Variants in AGAP1 observed in about 807,000 individuals in gnomAD.
The protein encoded by AGAP1 is arf-GAP with GTPase, ANK repeat and PH domain-containing protein 1.
A neutral mutation model predicts 105.3 loss-of-function variants in AGAP1; 29 were observed. The observed-to-expected ratio is 0.28, with a 90% CI of 0.21 to 0.38. The LOEUF (loss-of-function observed/expected upper bound fraction) is 0.38. Ranked by LOEUF, AGAP1 falls within the 10% of genes least tolerant of loss-of-function variation. The pLI, the probability that AGAP1 is intolerant of heterozygous loss-of-function variation, is 1.00. For synonymous variants in AGAP1, 509 were observed against 485.9 expected (o/e 1.05, Z -0.63); for missense variants, 998 against 1,165.1 (o/e 0.86, Z 2.09).
At chr2:235,546,932 G>T (rs1460146119) in intron 1 of AGAP1, among the ~76,000 whole-genome samples, 1 of 152,160 alleles carries the variant, frequency 6.6e-6, no homozygotes, top group Admixed American at 6.5e-5. Context: ...CTGAGCAGGC[G>T]GCTCACTGGC....
intron 1 of AGAP1, among the ~76,000 whole-genome samples, chr2:235,616,694 G>T (rs1199646713): frequency 2.0e-5 from 3 of 152,192 alleles, no homozygotes; most frequent in Admixed American, 2.0e-4. Context: ...CTGCCCAGTT[G>T]TGTTCAACTT....
chr2:236,088,783 T>C (rs377470411), intron 16 of AGAP1, among the ~76,000 whole-genome samples: 4 of 152,210 alleles, frequency 2.6e-5, no homozygotes, highest in African/African-American at 9.6e-5. Context: ...CCTGTCCCCA[T>C]TGTCACGAAT....
Position 235,927,181 on chromosome 2 carries a change from G to A in AGAP1, c.1325-3584G>A, listed in dbSNP as rs190122558. Among the ~76,000 whole-genome samples the A allele has an allele frequency of 2.9e-4, 44 of 152,242 alleles. No individual in the cohort carries two copies. The highest frequency in any genetic ancestry group is 5.0e-4 in the Non-Finnish European group (34 of 68,018). Reference sequence around the variant, plus strand: ...GTGGCTGGGGCTGGGGGGCCTTCACGAGCTATAGGGCTCTAAGAGTCTGCC... The same window carrying A: ...GTGGCTGGGGCTGGGGGGCCTTCACAAGCTATAGGGCTCTAAGAGTCTGCC... On this transcript the variant is annotated intron_variant, in intron 11 of 17. Transcript: ENST00000304032. The surrounding 1 kb of genome is among the most constrained non-coding windows in gnomAD (Gnocchi z 4.4).
At chr2:236,106,984 C>T (rs1302150639) in intron 16 of AGAP1, among the ~76,000 whole-genome samples, 8 of 152,090 alleles carry the variant, frequency 5.3e-5, no homozygotes, top group Non-Finnish European at 1.0e-4. Context: ...CCATCCTGTG[C>T]GGAGGCTCAA....
rs1276728775 is a variant in AGAP1, at chr2:236,076,848, G to C, written c.2114+27567G>C. ...AGTCCCAGCACAGGGTCTCATGCCT[G>C]TAATCCCAGCACTTTGGGAGGCCAA... On this transcript the variant is annotated intron_variant, in intron 16 of 17. Transcript: ENST00000304032. The surrounding 1 kb of genome is among the most constrained non-coding windows in gnomAD (Gnocchi z 4.4). Among the ~76,000 whole-genome samples, 1 of 151,908 alleles carries C rather than the reference G, an allele frequency of 6.6e-6. No homozygotes were observed. Among genetic ancestry groups the C allele is most frequent in the Non-Finnish European group, 1.5e-5 (1 of 67,974 alleles).
At position 236,049,229 on chromosome 2, in the gene AGAP1, G is replaced by A. The variant is rs151161815; in HGVS notation, c.2062G>A (p.Val688Ile). The change falls in exon 16 of 18, where the codon GTC becomes ATC. Residue 688 changes from valine (V) to isoleucine (I), a missense_variant. Val to Ile is a conservative substitution (Grantham distance 29, BLOSUM62 3). Coordinates refer to ENST00000304032, the MANE Select transcript of AGAP1 (RefSeq NM_001037131.3). ...CATCGGGAACGAGCTAGCCAACAGC[G>A]TCTGGGAAGAGAGCAGCCAGGGGCG... ...SSIGNELANS[V>I]WEESSQGRTK... 5.8e-5 allele frequency: 94 copies of A among 1,614,200 alleles called. No homozygotes were observed. Among genetic ancestry groups the A allele is most frequent in the African/African-American group, 3.7e-4 (28 of 75,054 alleles).
intron 11 of AGAP1, among the ~76,000 whole-genome samples, chr2:235,915,417 G>A (rs1008990069): frequency 6.6e-6 from 1 of 152,226 alleles, no homozygotes; most frequent in Non-Finnish European, 1.5e-5. Context: ...GCTCATGCCT[G>A]TAATCCCAGC....
chr2:235,494,836 C>T lies in AGAP1; in HGVS notation c.150C>T (p.Val50=), dbSNP rs760743080. 5 of 1,570,944 alleles carry T rather than the reference C, an allele frequency of 3.2e-6. No individual in the cohort carries two copies. Among genetic ancestry groups the T allele is most frequent in the Non-Finnish European group, 4.3e-6 (5 of 1,158,698 alleles). ...PVLQNQIREH[V]IAIEDAFVNS... is the part of the protein sequence containing the mutation. ...TGCAGAACCAGATCCGGGAGCACGTCATCGCCATCGAAGGTGAGGGCCGGG... is the reference window on the plus strand; with the variant it reads ...TGCAGAACCAGATCCGGGAGCACGTTATCGCCATCGAAGGTGAGGGCCGGG... Residue 50 remains valine, a synonymous_variant, in exon 1 of 18, where the codon GTC becomes GTT. Coordinates refer to ENST00000304032, the MANE Select transcript of AGAP1 (RefSeq NM_001037131.3).
chr2:236,068,608 G>A (rs1576221315), intron 16 of AGAP1, among the ~76,000 whole-genome samples: 1 of 151,562 alleles, frequency 6.6e-6, no homozygotes, highest in South Asian at 2.1e-4. Flanking sequence ...AGACCATCCT[G>A]GCTAACACGG....
At chr2:235,922,942 CT>C (rs910091911) in intron 11 of AGAP1, among the ~76,000 whole-genome samples, 10 of 152,182 alleles carry the variant, frequency 6.6e-5, no homozygotes, top group African/African-American at 2.4e-4. Context: ...GAATCTGGCG[CT>C]TTTGACACAT....
At position 236,014,925 on chromosome 2, in the gene AGAP1, T is replaced by C; in HGVS notation, c.1646-21636T>C. 1 of 348,038 alleles carries C rather than the reference T, an allele frequency of 2.9e-6. No homozygotes were observed. Among genetic ancestry groups the C allele is most frequent in the Non-Finnish European group, 5.9e-6 (1 of 168,262 alleles). The allele number at this position is 348,038 out of a possible 1,614,324, so 21.6% of individuals were successfully genotyped here. On this transcript the variant is annotated intron_variant, in intron 13 of 17. Transcript: ENST00000304032. The surrounding 1 kb of genome is among the most constrained non-coding windows in gnomAD (Gnocchi z 6.3). ...CCCGCCCACACCTCCACCTGCCTCTTCCCCTCTCATCCCCTGCCCGCCCCT... is the reference window on the plus strand; with the variant it reads ...CCCGCCCACACCTCCACCTGCCTCTCCCCCTCTCATCCCCTGCCCGCCCCT...
intron 6 of AGAP1, among the ~76,000 whole-genome samples, chr2:235,761,737 A>G (rs1954459512): frequency 6.6e-6 from 1 of 152,240 alleles, no homozygotes; most frequent in African/African-American, 2.4e-5. Flanking sequence ...TAACTAGGAT[A>G]GTCAGAAGTT....
chr2:235,547,667 T>C (rs1943671188), intron 1 of AGAP1, among the ~76,000 whole-genome samples: 1 of 152,326 alleles, frequency 6.6e-6, no homozygotes, highest in South Asian at 2.1e-4. Flanking sequence ...CTAATTTTTG[T>C]ATTTTAGTAG....
intron 9 of AGAP1, among the ~76,000 whole-genome samples, chr2:235,857,678 G>T (rs2048746594): frequency 6.6e-6 from 1 of 152,208 alleles, no homozygotes; most frequent in South Asian, 2.1e-4. Context: ...CACCTCCTCG[G>T]TTTGCCAACT....
chr2:235,797,027 C>T (rs979277796), intron 6 of AGAP1, among the ~76,000 whole-genome samples: 2 of 152,026 alleles, frequency 1.3e-5, no homozygotes, highest in African/African-American at 4.8e-5. Context: ...ACAATGTGTG[C>T]AGTCATATAT....
chr2:235,667,841 C>T (rs1948175832), intron 1 of AGAP1, among the ~76,000 whole-genome samples: 1 of 151,576 alleles, frequency 6.6e-6, no homozygotes, highest in Admixed American at 6.6e-5. Flanking sequence ...CACCTGTAAT[C>T]CCAGCTACTC....
chr2:235,876,084 T>C (rs1030472052), intron 9 of AGAP1, among the ~76,000 whole-genome samples: 4 of 152,212 alleles, frequency 2.6e-5, no homozygotes, highest in Non-Finnish European at 5.9e-5. Context: ...CACCTGCAGA[T>C]AATTTTCTCA....
intron 1 of AGAP1, among the ~76,000 whole-genome samples, chr2:235,575,592 G>C (rs146226103): frequency 6.6e-6 from 1 of 152,210 alleles, no homozygotes; most frequent in Non-Finnish European, 1.5e-5. Context: ...CTGTGCTCAC[G>C]GGTGGCCAGG....
intron 13 of AGAP1, among the ~76,000 whole-genome samples, chr2:235,987,553 ATTC>A (rs2055373923): frequency 1.5e-5 from 2 of 137,456 alleles, no homozygotes; most frequent in South Asian, 4.5e-4. Flanking sequence ...TACTCTATCA[ATTC>A]TTCTCTGATC....
Sources: allele counts gnomAD v4.1 joint callset (sites outside exome capture counted in the v4.1 genomes callset), GRCh38; gene constraint gnomAD v4.1.1; non-coding constraint Gnocchi (gnomAD v3.1); transcripts MANE v1.5; gene names NCBI Gene and HGNC (gene_info 2026-07-23, HGNC 2026-07-21).